Variants in ATRNL1 observed in about 807,000 individuals in gnomAD.
ATRNL1 encodes the protein attractin like 1, also known as attractin-like protein 1.
In ATRNL1, 95 loss-of-function variants were observed where a neutral mutation model predicts 182.7. That is an observed-to-expected ratio of 0.52 (90% CI 0.44 to 0.62). The LOEUF is 0.62. Ranked by LOEUF, ATRNL1 falls within the 20% of genes least tolerant of loss-of-function variation. ATRNL1 has a pLI of 0.00. For missense variants in ATRNL1, 1,471 were observed against 1,679.5 expected (o/e 0.88, Z 2.17); for synonymous variants, 576 against 568.3 (o/e 1.01, Z -0.19).
At chr10:115,438,517 T>A (rs1199023862) in intron 21 of ATRNL1, among the ~76,000 whole-genome samples, 1 of 152,042 alleles carries the variant, frequency 6.6e-6, no homozygotes, top group African/African-American at 2.4e-5. Flanking sequence ...GTTTTTAATA[T>A]CTGACTTCTT....
At chr10:115,388,205 T>A (rs1318565349) in intron 19 of ATRNL1, among the ~76,000 whole-genome samples, 1 of 152,188 alleles carries the variant, frequency 6.6e-6, no homozygotes, top group Non-Finnish European at 1.5e-5. Flanking sequence ...TGTTTTGTAC[T>A]AAGAGTGGTG....
Position 115,751,571 on chromosome 10 carries a change from T to C in ATRNL1, c.3903+24216T>C, listed in dbSNP as rs1948449941. Reference sequence around the variant, plus strand: ...GATCCCACAAACACATCTCTGTCACTGTCAAATATTGTAAAAAGATTTTTC... The same window carrying C: ...GATCCCACAAACACATCTCTGTCACCGTCAAATATTGTAAAAAGATTTTTC... On this transcript the variant is annotated intron_variant, in intron 27 of 28. Coordinates refer to ENST00000355044, the MANE Select transcript of ATRNL1 (RefSeq NM_207303.4). Among the ~76,000 whole-genome samples, 3 of 152,184 alleles carry C rather than the reference T, an allele frequency of 2.0e-5. No homozygotes were observed. In the South Asian group the frequency reaches 6.2e-4, roughly 32 times the overall value.
At chr10:115,680,181 C>G (rs1946002817) in intron 26 of ATRNL1, among the ~76,000 whole-genome samples, 1 of 152,116 alleles carries the variant, frequency 6.6e-6, no homozygotes, top group African/African-American at 2.4e-5. Context: ...CTTTGTTATG[C>G]TGTGATGGCA....
intron 25 of ATRNL1, among the ~76,000 whole-genome samples, chr10:115,534,654 G>T (rs540493053): frequency 6.1e-4 from 93 of 152,106 alleles, no homozygotes; most frequent in African/African-American, 2.2e-3. Flanking sequence ...TCATTATGGT[G>T]TTAGCTGGTT....
chr10:115,421,072 A>C (rs942768744), intron 20 of ATRNL1, among the ~76,000 whole-genome samples: 1 of 152,184 alleles, frequency 6.6e-6, no homozygotes, highest in Non-Finnish European at 1.5e-5. Context: ...CTATCAAAAA[A>C]AGTTCAGGAC....
At chr10:115,351,447 T>G (rs1158441233) in intron 19 of ATRNL1, among the ~76,000 whole-genome samples, 1 of 152,160 alleles carries the variant, frequency 6.6e-6, no homozygotes, top group Non-Finnish European at 1.5e-5. Context: ...TGAGAGTTTT[T>G]TTTTAAATCA....
chr10:115,352,647 A>C (rs1432832863), intron 19 of ATRNL1, among the ~76,000 whole-genome samples: 4 of 151,998 alleles, frequency 2.6e-5, no homozygotes, highest in African/African-American at 9.7e-5. Flanking sequence ...AATACTTGAT[A>C]CTCTCTTTGG....
intron 24 of ATRNL1, among the ~76,000 whole-genome samples, chr10:115,495,934 A>C (rs2133610531): frequency 6.6e-6 from 1 of 152,234 alleles, no homozygotes; most frequent in South Asian, 2.1e-4. Context: ...GACATCACCC[A>C]CTATTATTGT....
chr10:115,567,541 G>T (rs536457059), intron 26 of ATRNL1, among the ~76,000 whole-genome samples: 1 of 152,178 alleles, frequency 6.6e-6, no homozygotes, highest in Non-Finnish European at 1.5e-5. Context: ...ATGCATGCTA[G>T]CAACCTATTA....
intron 27 of ATRNL1, among the ~76,000 whole-genome samples, chr10:115,746,569 A>G (rs573923466): frequency 2.6e-5 from 4 of 151,982 alleles, no homozygotes; most frequent in Non-Finnish European, 5.9e-5. Context: ...ACTTAACAAT[A>G]TTGGCCCCTA....
At chr10:115,593,700 CTA>C (rs1352891632) in intron 26 of ATRNL1, among the ~76,000 whole-genome samples, 9 of 152,120 alleles carry the variant, frequency 5.9e-5, no homozygotes, top group African/African-American at 2.2e-4. Context: ...CAATACATCT[CTA>C]TTTTAATGAT....
intron 8 of ATRNL1, among the ~76,000 whole-genome samples, chr10:115,214,439 G>A (rs1017287266): frequency 2.0e-5 from 3 of 151,868 alleles, no homozygotes; most frequent in South Asian, 2.1e-4. Flanking sequence ...TATGAGTTCC[G>A]CAAAGTTTCT....
At chr10:115,582,577 CT>C (rs1260472592) in intron 26 of ATRNL1, among the ~76,000 whole-genome samples, 10 of 128,518 alleles carry the variant, frequency 7.8e-5, no homozygotes, top group Admixed American at 5.2e-4. Flanking sequence ...CCTTCGCCCA[CT>C]TTTTGATGGG....
chr10:115,252,886 T>C (rs11197136), intron 10 of ATRNL1, among the ~76,000 whole-genome samples: 2,007 of 152,288 alleles, frequency 0.013, 41 homozygotes, highest in African/African-American at 0.046. Context: ...TTCCCTTCTA[T>C]TGGCATGCCT....
chr10:115,425,785 T>C (rs575889048), intron 20 of ATRNL1, among the ~76,000 whole-genome samples: 4 of 152,200 alleles, frequency 2.6e-5, no homozygotes, highest in African/African-American at 9.6e-5. Context: ...TAGAAACTGG[T>C]GTAGAAAATT....
intron 27 of ATRNL1, among the ~76,000 whole-genome samples, chr10:115,842,744 T>C (rs1589591754): frequency 6.6e-6 from 1 of 152,086 alleles, no homozygotes; most frequent in South Asian, 2.1e-4. Flanking sequence ...AGTAATATTG[T>C]ATAGTGGCTG....
At chr10:115,436,855 C>T (rs1468187096) in intron 21 of ATRNL1, among the ~76,000 whole-genome samples, 1 of 152,018 alleles carries the variant, frequency 6.6e-6, no homozygotes, top group Admixed American at 6.6e-5. Context: ...GTTTTTTCCT[C>T]TATTGAAGCT....
intron 19 of ATRNL1, among the ~76,000 whole-genome samples, chr10:115,381,339 T>G (rs1857986235): frequency 6.6e-6 from 1 of 151,736 alleles, no homozygotes; most frequent in Admixed American, 6.6e-5. Context: ...CAATCTCGAC[T>G]CACTGCAACT....
At position 115,127,669 on chromosome 10, in the gene ATRNL1, C is replaced by A; in HGVS notation, c.568C>A (p.His190Asn). 1.9e-6 allele frequency: 3 copies of A among 1,579,560 alleles called. No individual in the cohort carries two copies. The highest frequency in any genetic ancestry group is 1.9e-5 in the Admixed American group (1 of 51,384). ...VVTTSGYALL[H>N]FFSDAAYNLT... Reference sequence around the variant, plus strand: ...TACTACATCTGGCTATGCACTGTTACATTTTTTTAGTGATGCTGCGTATAA... The same window carrying A: ...TACTACATCTGGCTATGCACTGTTAAATTTTTTTAGTGATGCTGCGTATAA... Residue 190 changes from histidine to asparagine, a missense_variant, in exon 4 of 29, where the codon CAT becomes AAT. Physicochemically the swap from His to Asn is moderately conservative, Grantham distance 68 (BLOSUM62 1). Coordinates refer to ENST00000355044, the MANE Select transcript of ATRNL1 (RefSeq NM_207303.4).
Sources: gnomAD v4.1 joint callset for allele counts (sites outside exome capture counted in the v4.1 genomes callset) on GRCh38, gnomAD v4.1.1 for gene constraint, MANE v1.5 for transcripts, NCBI Gene and HGNC (gene_info 2026-07-23, HGNC 2026-07-21) for gene names.